The following UBE2U variants were observed in gnomAD, a reference collection of about 807,000 sequenced individuals.
The protein encoded by UBE2U is ubiquitin-conjugating enzyme E2 U.
In UBE2U, 39 loss-of-function variants were observed where a neutral mutation model predicts 41.2. The ratio of observed to expected loss-of-function variants is 0.95; its 90% confidence interval spans 0.73 to 1.24. The LOEUF (loss-of-function observed/expected upper bound fraction) is 1.24. UBE2U is among the 50% of genes most tolerant of loss of function. The probability of loss-of-function intolerance (pLI) is 0.00; values close to 1 mark genes in which losing one functional copy is unlikely to be tolerated. For synonymous variants in UBE2U, 107 were observed against 117.8 expected (o/e 0.91, Z 0.60); for missense variants, 336 against 363.1 (o/e 0.93, Z 0.61).
At chr1:64,227,390 A>G (rs1055756229) in intron 6 of UBE2U, among the ~76,000 whole-genome samples, 8 of 152,250 alleles carry the variant, frequency 5.3e-5, no homozygotes, top group Non-Finnish European at 7.3e-5. Context: ...ATATAAAAAA[A>G]CTTGAAAATT....
At chr1:64,236,874 A>C (rs1644676968) in intron 7 of UBE2U, among the ~76,000 whole-genome samples, 1 of 152,190 alleles carries the variant, frequency 6.6e-6, no homozygotes, top group Admixed American at 6.5e-5. Flanking sequence ...CCACCTGAGG[A>C]GCTTGTAAAA....
intron 8 of UBE2U, among the ~76,000 whole-genome samples, chr1:64,250,680 T>G (rs988492419): frequency 6.6e-6 from 1 of 151,840 alleles, no homozygotes; most frequent in Non-Finnish European, 1.5e-5. Flanking sequence ...CCAACAATGA[T>G]AGACTGGATT....
intron 3 of UBE2U, among the ~76,000 whole-genome samples, chr1:64,207,351 A>G (rs1386465167): frequency 3.3e-5 from 5 of 152,148 alleles, no homozygotes; most frequent in East Asian, 1.9e-4. Flanking sequence ...GGGTTTCACC[A>G]TGTTGGCCAA....
intron 8 of UBE2U, among the ~76,000 whole-genome samples, chr1:64,249,284 A>G (rs1011920438): frequency 2.0e-5 from 3 of 150,884 alleles, no homozygotes; most frequent in Non-Finnish European, 4.4e-5. Context: ...AGGCTGAAGC[A>G]GGAGAATCGC....
intron 7 of UBE2U, among the ~76,000 whole-genome samples, chr1:64,238,300 T>C (rs1644707364): frequency 6.6e-6 from 1 of 151,662 alleles, no homozygotes; most frequent in South Asian, 2.1e-4. Flanking sequence ...AGCTGCTCAC[T>C]GGCTGAGGCA....
At chr1:64,249,379 A>G (rs1644971296) in intron 8 of UBE2U, among the ~76,000 whole-genome samples, 1 of 138,314 alleles carries the variant, frequency 7.2e-6, no homozygotes. Flanking sequence ...CTCTGTCTCA[A>G]AAAAAAAAAA....
chr1:64,225,115 T>A lies in UBE2U; in HGVS notation c.506+4208T>A, dbSNP rs371111531. On this transcript the variant is annotated intron_variant, in intron 6 of 9. Coordinates refer to ENST00000371077, the MANE Select transcript of UBE2U (RefSeq NM_001366232.2). ...TGGTACTGATTTCATAGAATTACTATGAAGATTAAATGAGTTAAGTACATA... is the reference window on the plus strand; with the variant it reads ...TGGTACTGATTTCATAGAATTACTAAGAAGATTAAATGAGTTAAGTACATA... Among the ~76,000 whole-genome samples, 31 of 152,308 alleles carry A rather than the reference T, an allele frequency of 2.0e-4. 5 individuals are homozygous for A. In the South Asian group the frequency reaches 3.3e-3, roughly 16 times the overall value.
At chr1:64,257,566 G>A (rs1645114043) in intron 8 of UBE2U, among the ~76,000 whole-genome samples, 1 of 152,098 alleles carries the variant, frequency 6.6e-6, no homozygotes, top group Non-Finnish European at 1.5e-5. Context: ...AATGATGAGA[G>A]CTCATGGACA....
chr1:64,258,080 C>A (rs1411882676), intron 8 of UBE2U, among the ~76,000 whole-genome samples: 1 of 152,194 alleles, frequency 6.6e-6, no homozygotes, highest in East Asian at 1.9e-4. Context: ...TCACTACTTT[C>A]ACACATTTTA....
chr1:64,247,479 G>C (rs1644940275), intron 8 of UBE2U, among the ~76,000 whole-genome samples: 1 of 152,164 alleles, frequency 6.6e-6, no homozygotes, highest in African/African-American at 2.4e-5. Flanking sequence ...CTTATGAAGA[G>C]ACTAATGCCT....
chr1:64,221,700 A>C (rs1243056517), intron 6 of UBE2U, among the ~76,000 whole-genome samples: 1 of 152,228 alleles, frequency 6.6e-6, no homozygotes, highest in Non-Finnish European at 1.5e-5. Context: ...ATAGTCAATC[A>C]GATTTAGAAA....
In UBE2U at chr1:64,247,349, G is replaced by A. The variant is rs113894580; in HGVS notation, c.677+5616G>A. Among the ~76,000 whole-genome samples, 299 of 152,180 alleles carry A rather than the reference G, an allele frequency of 2.0e-3. 2 individuals are homozygous for A. The highest frequency in any genetic ancestry group is 6.8e-3 in the African/African-American group (284 of 41,524). On this transcript the variant is annotated intron_variant, in intron 8 of 9. Transcript: ENST00000371077. ...CTCCCTTCCTCTCTCCTGAAAAAGC[G>A]GAATTTTAATATGAGTCACAAACAT...
chr1:64,214,864 C>A lies in UBE2U; in HGVS notation c.389C>A (p.Ala130Asp), dbSNP rs201122690. Reference protein sequence around the residue: ...VLENPVNLEAARILVKDESLY... With the variant: ...VLENPVNLEADRILVKDESLY... ...GAGAATCCAGTGAATTTGGAAGCAG[C>A]CAGAATACTGGTTAAAGATGAATCT... Residue 130 changes from alanine (A) to aspartate (D), a missense_variant, in exon 5 of 10, where the codon GCC becomes GAC. Transcript: ENST00000371077. 2 of 1,614,114 alleles carry A rather than the reference C, an allele frequency of 1.2e-6. No homozygotes were observed. Among genetic ancestry groups the A allele is most frequent in the African/African-American group, 2.7e-5 (2 of 75,044 alleles).
chr1:64,257,592 C>G (rs1645114306), intron 8 of UBE2U, among the ~76,000 whole-genome samples: 1 of 152,068 alleles, frequency 6.6e-6, no homozygotes, highest in Admixed American at 6.6e-5. Flanking sequence ...CAGGGAACAA[C>G]ACACACTGAG....
rs1645269471 is a variant in UBE2U, at chr1:64,267,299, C to A, written c.*91C>A. 6 of 1,126,006 alleles carry A rather than the reference C, an allele frequency of 5.3e-6. No homozygotes were observed. The South Asian group carries it at 6.1e-5, about 11-fold the overall frequency. 69.8% of individuals were successfully genotyped at this position (1,126,006 alleles called of 1,614,324 possible). ...TGGAAGACTCTCAGAACTTGGATTT[C>A]ATTTTTTTTAAGTTGTTCTCACCCA... is the stretch of plus-strand genomic sequence containing the variant. On this transcript the variant is annotated 3_prime_UTR_variant, in exon 10 of 10. Transcript: ENST00000371077.
intron 6 of UBE2U, among the ~76,000 whole-genome samples, chr1:64,222,378 G>C (rs1389561844): frequency 1.3e-5 from 2 of 152,168 alleles, no homozygotes; most frequent in Non-Finnish European, 2.9e-5. Flanking sequence ...AGTTCATAAA[G>C]ATACAGTGCC....
intron 3 of UBE2U, among the ~76,000 whole-genome samples, chr1:64,207,604 A>G (rs1206275801): frequency 1.3e-5 from 2 of 152,348 alleles, no homozygotes; most frequent in Admixed American, 6.5e-5. Flanking sequence ...GATGCACTGG[A>G]CAGATTAACT....
intron 9 of UBE2U, among the ~76,000 whole-genome samples, chr1:64,261,681 A>C (rs1461910681): frequency 6.6e-6 from 1 of 152,106 alleles, no homozygotes; most frequent in Non-Finnish European, 1.5e-5. Flanking sequence ...ATTTCAGGGT[A>C]CCTGTGAGGT....
intron 5 of UBE2U, among the ~76,000 whole-genome samples, chr1:64,218,982 T>C (rs1020085093): frequency 6.6e-6 from 1 of 152,214 alleles, no homozygotes; most frequent in Admixed American, 6.5e-5. Context: ...GGCAGTTCTC[T>C]TGCAGGTGTG....
Sources: allele counts gnomAD v4.1 joint callset (sites outside exome capture counted in the v4.1 genomes callset), GRCh38; gene constraint gnomAD v4.1.1; transcripts MANE v1.5; gene names NCBI Gene and HGNC (gene_info 2026-07-23, HGNC 2026-07-21).